Variants in LARP4 observed in about 807,000 individuals in gnomAD.
The protein encoded by LARP4 is la-related protein 4.
A neutral mutation model predicts 92.9 loss-of-function variants in LARP4; 29 were observed. That is an observed-to-expected ratio of 0.31 (90% CI 0.23 to 0.43). The LOEUF is 0.43. LARP4 is among the 20% of genes least tolerant of loss of function. The probability of loss-of-function intolerance (pLI) is 1.00; values close to 1 mark genes in which losing one functional copy is unlikely to be tolerated. For missense variants in LARP4, 732 were observed against 860.0 expected (o/e 0.85, Z 1.86); for synonymous variants, 279 against 284.1 (o/e 0.98, Z 0.18).
chr12:50,476,092 A>G lies in LARP4; in HGVS notation c.*228A>G, dbSNP rs1428012145. The G allele has an allele frequency of 4.5e-6, 1 of 223,770 alleles. No homozygotes were observed. The highest frequency in any genetic ancestry group is 8.8e-6 in the Non-Finnish European group (1 of 114,088). The allele number at this position is 223,770 out of a possible 1,614,324, so 13.9% of individuals were successfully genotyped here. A position where few individuals can be genotyped will look rare whatever the true frequency, so the allele number is the denominator to read the frequency against. ...TCAATATAAATATATATATATATAT[A>G]CACACACATATATAAAAAGTATAAT... On this transcript the variant is annotated 3_prime_UTR_variant, in exon 16 of 16. Coordinates refer to ENST00000398473, the MANE Select transcript of LARP4 (RefSeq NM_052879.5).
At chr12:50,413,222 CAAA>C (rs59345865) in intron 1 of LARP4, among the ~76,000 whole-genome samples, 5 of 139,020 alleles carry the variant, frequency 3.6e-5, no homozygotes, top group East Asian at 4.1e-4. Flanking sequence ...GACTGTGTCT[CAAA>C]AAAAAAAAAA....
intron 10 of LARP4, among the ~76,000 whole-genome samples, chr12:50,455,192 TAATCTC>T (rs1472388504): frequency 6.6e-6 from 1 of 152,232 alleles, no homozygotes; most frequent in African/African-American, 2.4e-5. Flanking sequence ...CATCAACAGA[TAATCTC>T]AATATTTGGT....
chr12:50,428,885 A>T (rs1227591044), intron 2 of LARP4, 50 bp from the exon 3 acceptor site: 18 of 1,436,566 alleles, frequency 1.3e-5, no homozygotes, highest in Admixed American at 2.4e-5. Context: ...GTTCCTGAGA[A>T]TAGAATTTAA....
chr12:50,403,520 A>G (rs190870051), intron 1 of LARP4, among the ~76,000 whole-genome samples: 1 of 152,316 alleles, frequency 6.6e-6, no homozygotes, highest in Admixed American at 6.5e-5. Flanking sequence ...GTTTCAATAT[A>G]ATTGGTTTAC....
chr12:50,468,074 G>A (rs530264015), intron 13 of LARP4, among the ~76,000 whole-genome samples: 49 of 151,986 alleles, frequency 3.2e-4, no homozygotes, highest in African/African-American at 1.2e-3. Context: ...CCACCTCCCG[G>A]GTTCAAGCAG....
rs1957706415 is a variant in LARP4 at position 50,478,848 on chromosome 12, C to T, written c.*2984C>T. On this transcript the variant is annotated 3_prime_UTR_variant, in exon 16 of 16. Coordinates refer to ENST00000398473, the MANE Select transcript of LARP4 (RefSeq NM_052879.5). ...AATAGTGATCCATCTAAATTTTTTTCAGCTGGGTTTTGAGGAATATAAGAG... is the reference window on the plus strand; with the variant it reads ...AATAGTGATCCATCTAAATTTTTTTTAGCTGGGTTTTGAGGAATATAAGAG... The T allele has an allele frequency of 6.6e-6, 1 of 152,068 alleles. No homozygotes were observed. Among genetic ancestry groups the T allele is most frequent in the Non-Finnish European group, 1.5e-5 (1 of 67,994 alleles). The allele number at this position is 152,068 out of a possible 1,614,324, so 9.4% of individuals were successfully genotyped here. A position where few individuals can be genotyped will look rare whatever the true frequency, so the allele number is the denominator to read the frequency against.
At chr12:50,442,709 A>G (rs1322690114) in intron 8 of LARP4, among the ~76,000 whole-genome samples, 1 of 152,240 alleles carries the variant, frequency 6.6e-6, no homozygotes, top group African/African-American at 2.4e-5. Flanking sequence ...CCTTACAGGA[A>G]CCTAATGAGA....
At chr12:50,411,871 C>T (rs1450953648) in intron 1 of LARP4, among the ~76,000 whole-genome samples, 3 of 150,578 alleles carry the variant, frequency 2.0e-5, no homozygotes, top group African/African-American at 7.3e-5. Flanking sequence ...AGTAGATAAA[C>T]GGGGTTTCAC....
Position 50,430,586 on chromosome 12 carries a change from C to T in LARP4, c.398+16C>T. On this transcript the variant is annotated intron_variant, in intron 4 of 15. Transcript: ENST00000398473. ...GTTTTTCACGGTATTGCTGTTTCCCCTTTATTGAATTTTATTAGTAGATGT... is the reference window on the plus strand; with the variant it reads ...GTTTTTCACGGTATTGCTGTTTCCCTTTTATTGAATTTTATTAGTAGATGT... The T allele has an allele frequency of 6.7e-7, 1 of 1,502,660 alleles. No homozygotes were observed. Among genetic ancestry groups the T allele is most frequent in the Non-Finnish European group, 9.2e-7 (1 of 1,090,792 alleles). The allele number at this position is 1,502,660 out of a possible 1,614,324, so 93.1% of individuals were successfully genotyped here.
In LARP4 at chr12:50,458,238, G is replaced by T. The variant is rs184303436; in HGVS notation, c.1122-2897G>T. On this transcript the variant is annotated intron_variant, in intron 10 of 15. Transcript: ENST00000398473. ...ACAGATATGAGCCACTGAGCCCACT[G>T]CGCCCAGCCTGATAATTTTATCTTT... Among the ~76,000 whole-genome samples, 103 of 151,942 alleles carry T rather than the reference G, an allele frequency of 6.8e-4. 1 individual carries two copies. The highest frequency in any genetic ancestry group is 3.7e-3 in the Admixed American group (56 of 15,222).
intron 1 of LARP4, among the ~76,000 whole-genome samples, chr12:50,402,302 T>C (rs1241342994): frequency 6.6e-6 from 1 of 152,200 alleles, no homozygotes; most frequent in East Asian, 1.9e-4. Flanking sequence ...ACATTCATAA[T>C]AAACATTCAT....
chr12:50,418,371 TTC>T (rs1377816925), intron 1 of LARP4, among the ~76,000 whole-genome samples: 3 of 152,230 alleles, frequency 2.0e-5, no homozygotes, highest in Non-Finnish European at 4.4e-5. Flanking sequence ...AATAAAGTTT[TTC>T]TGTTATACCA....
chr12:50,400,900 C>T lies in LARP4; in HGVS notation c.-111C>T, dbSNP rs538869425. ...GCAGGGGAGGAGCCGGGTCCACTGC[C>T]GGGTGGAGGGGCAAGGCGAGTGTGT... On this transcript the variant is annotated 5_prime_UTR_variant, in exon 1 of 16. Transcript: ENST00000398473. 1.4e-5 allele frequency: 20 copies of T among 1,478,222 alleles called. No individual in the cohort carries two copies. The highest frequency in any genetic ancestry group is 1.7e-4 in the Middle Eastern group (1 of 5,808). 91.6% of individuals were successfully genotyped at this position (1,478,222 alleles called of 1,614,324 possible).
At chr12:50,425,990 G>T (rs1948646571) in intron 1 of LARP4, among the ~76,000 whole-genome samples, 1 of 152,004 alleles carries the variant, frequency 6.6e-6, no homozygotes, top group African/African-American at 2.4e-5. Context: ...ACCCTAGTTT[G>T]CCCTTCTCTA....
At chr12:50,415,234 T>C (rs1179789747) in intron 1 of LARP4, among the ~76,000 whole-genome samples, 1 of 151,976 alleles carries the variant, frequency 6.6e-6, no homozygotes, top group African/African-American at 2.4e-5. Context: ...TAAAATAAAA[T>C]GTATAGTCTT....
intron 13 of LARP4, among the ~76,000 whole-genome samples, chr12:50,471,125 A>G (rs1301972186): frequency 6.6e-6 from 1 of 152,108 alleles, no homozygotes; most frequent in Non-Finnish European, 1.5e-5. Flanking sequence ...CCCCATCTCT[A>G]AAAAAATAAT....
At chr12:50,469,510 A>G (rs1048696247) in intron 13 of LARP4, among the ~76,000 whole-genome samples, 2 of 149,170 alleles carry the variant, frequency 1.3e-5, no homozygotes, top group African/African-American at 4.9e-5. Flanking sequence ...AGGCTGAGGC[A>G]GGAGAATGGC....
intron 6 of LARP4, among the ~76,000 whole-genome samples, chr12:50,438,141 T>A (rs1444800750): frequency 1.3e-5 from 2 of 152,188 alleles, no homozygotes; most frequent in African/African-American, 4.8e-5. Flanking sequence ...ATAAATAGGC[T>A]ATTTTGGGAA....
intron 12 of LARP4, among the ~76,000 whole-genome samples, chr12:50,464,995 A>G (rs1018035183): frequency 1.3e-5 from 2 of 152,172 alleles, no homozygotes; most frequent in East Asian, 1.9e-4. Context: ...CAGCCCAACA[A>G]TTCTTTCTTA....
Sources: gnomAD v4.1 joint callset for allele counts (sites outside exome capture counted in the v4.1 genomes callset) on GRCh38, gnomAD v4.1.1 for gene constraint, MANE v1.5 for transcripts, NCBI Gene and HGNC (gene_info 2026-07-23, HGNC 2026-07-21) for gene names.